The following CLYBL variants were observed in gnomAD, a reference collection of about 807,000 sequenced individuals.
CLYBL encodes the protein citramalyl-CoA lyase.
CLYBL carries 31 observed loss-of-function variants against 38.9 expected under a neutral mutation model. The ratio of observed to expected loss-of-function variants is 0.80; its 90% confidence interval spans 0.60 to 1.08. CLYBL has a LOEUF of 1.08. Among genes scored for constraint, CLYBL ranks in the 50% least tolerant of loss-of-function variants. CLYBL has a pLI of 0.00. For missense variants in CLYBL, 434 were observed against 411.6 expected (o/e 1.05, Z -0.47); for synonymous variants, 171 against 158.6 (o/e 1.08, Z -0.59).
At chr13:99,667,955 A>G (rs1286497714) in intron 1 of CLYBL, among the ~76,000 whole-genome samples, 2 of 152,206 alleles carry the variant, frequency 1.3e-5, no homozygotes, top group Admixed American at 6.5e-5. Context: ...AAAGATGAGG[A>G]GCAAAAATAA....
At chr13:99,874,806 G>T (rs1213990999) in intron 7 of CLYBL, among the ~76,000 whole-genome samples, 1 of 152,084 alleles carries the variant, frequency 6.6e-6, no homozygotes, top group East Asian at 1.9e-4. Flanking sequence ...ACAGTCAGTT[G>T]CTTTTTTAAA....
intron 1 of CLYBL, among the ~76,000 whole-genome samples, chr13:99,694,496 TC>T (rs2047951195): frequency 6.6e-6 from 1 of 152,134 alleles, no homozygotes; most frequent in African/African-American, 2.4e-5. Context: ...CACTTACCCA[TC>T]CATCAGGGCC....
intron 1 of CLYBL, among the ~76,000 whole-genome samples, chr13:99,662,144 G>A (rs1445400646): frequency 6.6e-6 from 1 of 152,140 alleles, no homozygotes; most frequent in Non-Finnish European, 1.5e-5. Flanking sequence ...CCTTTAAAGA[G>A]GTTTACTTTG....
intron 1 of CLYBL, among the ~76,000 whole-genome samples, chr13:99,626,355 T>C (rs1234810504): frequency 6.6e-6 from 1 of 152,196 alleles, no homozygotes; most frequent in Non-Finnish European, 1.5e-5. Context: ...GAGGCCAGAC[T>C]GTGAAGGGAT....
intron 1 of CLYBL, among the ~76,000 whole-genome samples, chr13:99,706,418 GGGGTT>G (rs1158368130): frequency 6.6e-6 from 1 of 152,122 alleles, no homozygotes; most frequent in Non-Finnish European, 1.5e-5. Context: ...AGAGTCTCCT[GGGGTT>G]CCAGTTATTT....
At chr13:99,787,722 T>C (rs1374625289) in intron 2 of CLYBL, among the ~76,000 whole-genome samples, 1 of 152,212 alleles carries the variant, frequency 6.6e-6, no homozygotes, top group Non-Finnish European at 1.5e-5. Context: ...AGTAGTTTTT[T>C]CCAATTCTGT....
intron 1 of CLYBL, among the ~76,000 whole-genome samples, chr13:99,623,900 A>G (rs1202974534): frequency 6.7e-6 from 1 of 149,174 alleles, no homozygotes; most frequent in Non-Finnish European, 1.5e-5. Flanking sequence ...TGAAGGTTGC[A>G]GTGAGCCGAG....
At chr13:99,862,908 G>GACTT (rs2051643264) in intron 3 of CLYBL, 83 bp from the exon 4 acceptor site, 1 of 588,428 alleles carries the variant, frequency 1.7e-6, no homozygotes, top group South Asian at 2.3e-5. Context: ...TCAGGTCAAA[G>GACTT]ACTTAAATAC....
chr13:99,842,413 G>C (rs1444577354), intron 2 of CLYBL, among the ~76,000 whole-genome samples: 1 of 152,146 alleles, frequency 6.6e-6, no homozygotes, highest in Non-Finnish European at 1.5e-5. Flanking sequence ...GTACATTTTG[G>C]GTAGTGTGTC....
At chr13:99,841,318 T>G (rs2051070339) in intron 2 of CLYBL, among the ~76,000 whole-genome samples, 2 of 152,180 alleles carry the variant, frequency 1.3e-5, no homozygotes, top group Non-Finnish European at 2.9e-5. Context: ...TAATACGTTT[T>G]CCTCACACAT....
downstream of CLYBL, chr13:99,895,822 C>G (rs1158494940): frequency 4.6e-5 from 7 of 152,258 alleles, no homozygotes; most frequent in Non-Finnish European, 7.3e-5. Flanking sequence ...TTCCGCCAAG[C>G]GCGCTGCAAC....
chr13:99,673,408 G>A (rs139314741), intron 1 of CLYBL, among the ~76,000 whole-genome samples: 7,353 of 89,998 alleles, frequency 0.082, 246 homozygotes, highest in African/African-American at 0.099. Context: ...GCGAGACTCC[G>A]TCTCAAAAAA....
intron 2 of CLYBL, among the ~76,000 whole-genome samples, chr13:99,846,201 G>A (rs528764821): frequency 2.1e-4 from 32 of 150,398 alleles, no homozygotes; most frequent in Admixed American, 1.6e-3. Flanking sequence ...ATATATTTAA[G>A]CAACAGAAAT....
At position 99,840,143 on chromosome 13, in the gene CLYBL, A is replaced by G. The variant is rs147986252; in HGVS notation, c.250-18718A>G. Reference sequence around the variant, plus strand: ...CTGTCTCATCTATCTGGTTATAGAGACAAGACTAACAACCCTGCGATGGTC... The same window carrying G: ...CTGTCTCATCTATCTGGTTATAGAGGCAAGACTAACAACCCTGCGATGGTC... On this transcript the variant is annotated intron_variant, in intron 2 of 8. Transcript: ENST00000339105. Among the ~76,000 whole-genome samples the G allele has an allele frequency of 2.1e-3, 321 of 151,888 alleles. 3 individuals carry two copies. The highest frequency in any genetic ancestry group is 7.4e-3 in the African/African-American group (308 of 41,392).
intron 2 of CLYBL, among the ~76,000 whole-genome samples, chr13:99,785,628 G>A (rs760916276): frequency 2.1e-5 from 3 of 145,860 alleles, no homozygotes; most frequent in Non-Finnish European, 3.0e-5. Flanking sequence ...ATGGAGTCTC[G>A]CTCTGTCACC....
In CLYBL at chr13:99,865,271, C is replaced by G. The variant is rs936529177; in HGVS notation, c.634+360C>G. The G allele has an allele frequency of 2.0e-5, 6 of 304,078 alleles. No individual in the cohort carries two copies. Among genetic ancestry groups the G allele is most frequent in the Non-Finnish European group, 3.8e-5 (6 of 156,376 alleles). 18.8% of individuals were successfully genotyped at this position (304,078 alleles called of 1,614,324 possible). A position where few individuals can be genotyped will look rare whatever the true frequency, so the allele number is the denominator to read the frequency against. ...TTCAGTATTTTGTTTTCATATCAGTCTGTGGGCTGTCTAGATTTCTAACGC... is the reference window on the plus strand; with the variant it reads ...TTCAGTATTTTGTTTTCATATCAGTGTGTGGGCTGTCTAGATTTCTAACGC... On this transcript the variant is annotated intron_variant, in intron 5 of 8. Transcript: ENST00000339105. This position sits in a 1 kb window ranked among gnomAD's most constrained non-coding sequence, Gnocchi z 4.7.
intron 2 of CLYBL, among the ~76,000 whole-genome samples, chr13:99,853,264 T>C (rs868535502): frequency 3.9e-5 from 6 of 152,032 alleles, no homozygotes; most frequent in Admixed American, 2.6e-4. Flanking sequence ...ATACCAATTA[T>C]ATATTATAAG....
intron 2 of CLYBL, among the ~76,000 whole-genome samples, chr13:99,847,219 A>G (rs1251056955): frequency 1.3e-5 from 2 of 152,160 alleles, no homozygotes; most frequent in Non-Finnish European, 2.9e-5. Context: ...ATTTACCGTT[A>G]AAAAGAGTGA....
rs1220747348 is a variant in CLYBL at position 99,711,000 on chromosome 13, G to A, written c.63-61824G>A. On this transcript the variant is annotated intron_variant, in intron 1 of 8. Transcript: ENST00000339105. ...TCTCCTAGGTTCAAGTGATTATCAT[G>A]CCTCAGCCTCCTGAGTAGCTGGGAT... 2.0e-5 allele frequency among the ~76,000 whole-genome samples: 3 copies of A among 146,796 alleles called. No individual in the cohort carries two copies. The Admixed American group carries it at 2.2e-4, about 11-fold the overall frequency.
Sources: allele counts gnomAD v4.1 joint callset (sites outside exome capture counted in the v4.1 genomes callset), GRCh38; gene constraint gnomAD v4.1.1; non-coding constraint Gnocchi (gnomAD v3.1); transcripts MANE v1.5; gene names NCBI Gene and HGNC (gene_info 2026-07-23, HGNC 2026-07-21).